OARD1: variants seen among roughly 807,000 people sequenced by gnomAD.
The protein encoded by OARD1 is O-acyl-ADP-ribose deacylase 1.
A neutral mutation model predicts 19.7 loss-of-function variants in OARD1; 19 were observed. That is an observed-to-expected ratio of 0.96 (90% CI 0.67 to 1.41). The LOEUF (loss-of-function observed/expected upper bound fraction) is 1.41, where lower values mean the gene tolerates loss of function less well. OARD1 is among the 40% of genes most tolerant of loss of function. The pLI is 0.00. For synonymous variants in OARD1, 70 were observed against 61.8 expected, an observed-to-expected ratio of 1.13 and a Z score of -0.62; for missense variants, 190 against 183.8, an observed-to-expected ratio of 1.03 and a Z score of -0.20.
chr6:41,097,457 TC>T (rs1304301061), intron 1 of OARD1: 1 of 1,590,074 alleles, frequency 6.3e-7, no homozygotes, highest in Non-Finnish European at 8.6e-7. Context: ...TTCTCACTGT[TC>T]CAGGAAATTG....
chr6:41,068,556 A>G (rs1394974710), intron 5 of OARD1, among the ~76,000 whole-genome samples: 1 of 152,238 alleles, frequency 6.6e-6, no homozygotes, highest in Non-Finnish European at 1.5e-5. Context: ...GGTGCTGAGA[A>G]TTCAACAAAT....
At chr6:41,085,476 C>G (rs1055919210) in intron 1 of OARD1, among the ~76,000 whole-genome samples, 66 of 152,178 alleles carry the variant, frequency 4.3e-4, no homozygotes, top group African/African-American at 1.6e-3. Context: ...GTGATCTCAT[C>G]TTTGTAATTC....
At chr6:41,077,063 T>C (rs1763751795), upstream of OARD1, among the ~76,000 whole-genome samples, 1 of 152,188 alleles carries the variant, frequency 6.6e-6, no homozygotes, top group African/African-American at 2.4e-5. Context: ...GTACGTTACA[T>C]ATATTAGTCA....
chr6:41,097,455 GT>G, intron 1 of OARD1: 1 of 1,596,278 alleles, frequency 6.3e-7, no homozygotes, highest in Non-Finnish European at 8.6e-7. Flanking sequence ...GTTTCTCACT[GT>G]TCCAGGAAAT....
At chr6:41,095,632 T>C (rs1764332396) in intron 1 of OARD1, among the ~76,000 whole-genome samples, 1 of 152,222 alleles carries the variant, frequency 6.6e-6, no homozygotes, top group African/African-American at 2.4e-5. Context: ...AGTCTCACTT[T>C]GTTGCCCAGG....
chr6:41,097,474 C>T, intron 1 of OARD1: 3 of 1,530,502 alleles, frequency 2.0e-6, no homozygotes, highest in Non-Finnish European at 2.7e-6. Context: ...AATTGATCAA[C>T]TCTTCCAATG....
upstream of OARD1, among the ~76,000 whole-genome samples, chr6:41,074,652 T>A (rs146074961): frequency 4.0e-3 from 607 of 152,302 alleles, 11 homozygotes; most frequent in South Asian, 0.061. Context: ...GGGCAGTAGT[T>A]GTGATAGTTT....
intron 1 of OARD1, chr6:41,084,287 A>G: frequency 7.2e-7 from 1 of 1,396,118 alleles, no homozygotes. Context: ...ATTGCATTTA[A>G]CTGCTTCCTA....
intron 1 of OARD1, among the ~76,000 whole-genome samples, chr6:41,096,486 T>C (rs1263126503): frequency 6.6e-6 from 1 of 152,224 alleles, no homozygotes; most frequent in Non-Finnish European, 1.5e-5. Flanking sequence ...TTCACAGCAA[T>C]GTTGTAGGGA....
chr6:41,094,523 T>C, intron 1 of OARD1: 1 of 1,568,620 alleles, frequency 6.4e-7, no homozygotes, highest in Non-Finnish European at 8.8e-7. Flanking sequence ...CATTTTATTC[T>C]TCTCTTTATT....
intron 1 of OARD1, among the ~76,000 whole-genome samples, chr6:41,083,390 A>G (rs1461688781): frequency 3.3e-5 from 5 of 152,266 alleles, no homozygotes; most frequent in Admixed American, 6.5e-5. Context: ...GGAGACTGCA[A>G]ACTGACCAGA....
Position 41,065,723 on chromosome 6 carries a change from A to G in OARD1, c.*1612T>C, listed in dbSNP as rs562672961. The stretch of plus-strand genomic sequence containing the variant: ...TTGCCTCTTATCAGGCTGATATGTG[A>G]TAAGAACACAGTCTAAAGTACAAAG... On this transcript the variant is annotated 3_prime_UTR_variant, in exon 6 of 6. Transcript: ENST00000424266. 73 of 152,318 alleles carry G rather than the reference A, an allele frequency of 4.8e-4. No homozygotes were observed. The highest frequency in any genetic ancestry group is 1.6e-3 in the African/African-American group (68 of 41,580). 9.4% of individuals were successfully genotyped at this position (152,318 alleles called of 1,614,324 possible).
intron 1 of OARD1, among the ~76,000 whole-genome samples, chr6:41,080,200 G>A (rs1004120245): frequency 2.0e-5 from 3 of 152,154 alleles, no homozygotes; most frequent in African/African-American, 7.2e-5. Context: ...TGTAATCCCA[G>A]CTACTCTGGA....
At chr6:41,097,476 C>T in intron 1 of OARD1, 1 of 1,517,100 alleles carries the variant, frequency 6.6e-7, no homozygotes, top group African/African-American at 1.4e-5. Context: ...TTGATCAACT[C>T]TTCCAATGGG....
chr6:41,089,832 A>C (rs1764153146), intron 1 of OARD1: 1 of 1,401,896 alleles, frequency 7.1e-7, no homozygotes, highest in South Asian at 1.5e-5. Flanking sequence ...AAAAAAATAT[A>C]TTTTTGGCCG....
chr6:41,080,979 C>T, intron 1 of OARD1: 1 of 1,130,182 alleles, frequency 8.8e-7, no homozygotes, highest in Admixed American at 1.8e-5. Flanking sequence ...TTAGGATCTC[C>T]AGTAGGAATG....
chr6:41,079,546 G>GT (rs962791471), intron 1 of OARD1, among the ~76,000 whole-genome samples: 3 of 152,102 alleles, frequency 2.0e-5, no homozygotes, highest in African/African-American at 7.2e-5. Context: ...TAAATCTTCT[G>GT]TTTTTTGATT....
At position 41,064,803 on chromosome 6, in the gene OARD1, AG is replaced by A. The variant is rs1406199263; in HGVS notation, c.*2531del. On this transcript the variant is annotated 3_prime_UTR_variant, in exon 6 of 6. Transcript: ENST00000424266. ...TTAATAAGCAACTAGCTTCTTTATT[AG>A]AGAGGAGCGGGTGAAAAGTAGTAGT... The A allele has an allele frequency of 6.6e-6, 1 of 152,228 alleles. No individual in the cohort carries two copies. The highest frequency in any genetic ancestry group is 1.5e-5 in the Non-Finnish European group (1 of 68,036). 9.4% of individuals were successfully genotyped at this position (152,228 alleles called of 1,614,324 possible).
rs114701672 is a variant in OARD1 at position 41,096,188 on chromosome 6, T to A, written c.-42+1525A>T. 4.9e-3 allele frequency among the ~76,000 whole-genome samples: 740 copies of A among 152,312 alleles called. 6 individuals are homozygous for A. Among genetic ancestry groups the A allele is most frequent in the African/African-American group, 0.016 (669 of 41,556 alleles). On this transcript the variant is annotated intron_variant, in intron 1 of 4. Transcript: ENST00000480585. ...TCTCAAACTATTTCTGTATAACATCTAAGCAACTTTGCCTTATCACCCCCT... is the reference window on the plus strand; with the variant it reads ...TCTCAAACTATTTCTGTATAACATCAAAGCAACTTTGCCTTATCACCCCCT...
Sources: gnomAD v4.1 joint callset for allele counts (sites outside exome capture counted in the v4.1 genomes callset) on GRCh38, gnomAD v4.1.1 for gene constraint, MANE v1.5 for transcripts, NCBI Gene and HGNC (gene_info 2026-07-23, HGNC 2026-07-21) for gene names.